CNBD2: variants seen among roughly 807,000 people sequenced by gnomAD.
The protein encoded by CNBD2 is cyclic nucleotide binding domain containing 2.
Under a neutral mutation model 63.7 loss-of-function variants are expected in CNBD2, and 64 were observed. The observed-to-expected ratio is 1.00, with a 90% confidence interval of 0.82 to 1.24. The LOEUF is 1.24. CNBD2 is among the 50% of genes most tolerant of loss of function. The pLI is 0.00. For synonymous variants in CNBD2, 229 were observed against 255.4 expected, an observed-to-expected ratio of 0.90 and a Z score of 0.99; for missense variants, 691 against 713.5, an observed-to-expected ratio of 0.97 and a Z score of 0.36.
intron 8 of CNBD2, among the ~76,000 whole-genome samples, chr20:36,006,035 CTT>C (rs999690758): frequency 7.0e-6 from 1 of 143,116 alleles, no homozygotes; most frequent in African/African-American, 2.6e-5. Flanking sequence ...TTTTTTTTTT[CTT>C]TTTTTTTTTG....
intron 8 of CNBD2, among the ~76,000 whole-genome samples, chr20:36,002,074 G>A (rs2056918888): frequency 6.6e-6 from 1 of 152,360 alleles, no homozygotes; most frequent in East Asian, 1.9e-4. Context: ...GTAGTGAGCT[G>A]AGATCACGCC....
At chr20:36,022,189 T>TTTTTTCTTTTTC (rs1264593657) in intron 10 of CNBD2, among the ~76,000 whole-genome samples, 1 of 121,596 alleles carries the variant, frequency 8.2e-6, no homozygotes, top group South Asian at 2.8e-4. Context: ...TAATTCTTTT[T>TTTTTTCTTTTTC]TTTTTCTTTT....
intron 6 of CNBD2, among the ~76,000 whole-genome samples, chr20:35,986,277 G>A (rs1386347974): frequency 6.6e-6 from 1 of 152,200 alleles, no homozygotes; most frequent in Non-Finnish European, 1.5e-5. Context: ...GGGGCTGAGA[G>A]AGGTAGCTTC....
intron 8 of CNBD2, among the ~76,000 whole-genome samples, chr20:36,004,356 C>A (rs2056955765): frequency 6.6e-6 from 1 of 152,092 alleles, no homozygotes; most frequent in South Asian, 2.1e-4. Context: ...TCTCTGGTTC[C>A]CTGCTCTGTG....
chr20:35,997,832 A>G (rs1025428238), intron 8 of CNBD2, among the ~76,000 whole-genome samples: 12 of 152,098 alleles, frequency 7.9e-5, no homozygotes, highest in Non-Finnish European at 1.6e-4. Flanking sequence ...CTTGTTTGTC[A>G]CTTTTCCACT....
intron 10 of CNBD2, among the ~76,000 whole-genome samples, chr20:36,022,708 G>A (rs973675649): frequency 6.6e-6 from 1 of 151,832 alleles, no homozygotes; most frequent in Non-Finnish European, 1.5e-5. Flanking sequence ...TTGGCTCACT[G>A]CAACCTCTAC....
intron 2 of CNBD2, 28 bp from the exon 3 acceptor site, chr20:35,975,921 C>A: frequency 6.2e-7 from 1 of 1,606,520 alleles, no homozygotes; most frequent in Non-Finnish European, 8.5e-7. Flanking sequence ...GCTGATTCTC[C>A]CTCTTCTCCC....
intron 9 of CNBD2, among the ~76,000 whole-genome samples, chr20:36,009,890 G>C (rs1337030366): frequency 1.3e-5 from 2 of 152,142 alleles, no homozygotes; most frequent in Non-Finnish European, 2.9e-5. Context: ...TTTAATCTCT[G>C]TAACAACTCT....
intron 10 of CNBD2, among the ~76,000 whole-genome samples, chr20:36,017,263 G>A (rs1163740873): frequency 6.6e-6 from 1 of 152,092 alleles, no homozygotes; most frequent in Non-Finnish European, 1.5e-5. Context: ...TGCCTGCAGA[G>A]GGCTGTCTCC....
chr20:36,018,050 G>A (rs1399674413), intron 10 of CNBD2, among the ~76,000 whole-genome samples: 2 of 152,304 alleles, frequency 1.3e-5, no homozygotes, highest in African/African-American at 2.4e-5. Context: ...TATGCCCCAC[G>A]CCCAGTTTCC....
At chr20:36,021,240 A>T (rs1936136867) in intron 10 of CNBD2, among the ~76,000 whole-genome samples, 1 of 152,166 alleles carries the variant, frequency 6.6e-6, no homozygotes, top group South Asian at 2.1e-4. Flanking sequence ...AAGGAATGAG[A>T]TCCTGTCATT....
At chr20:35,975,831 G>A (rs1404854396) in intron 2 of CNBD2, 118 bp from the exon 3 acceptor site, 1 of 879,248 alleles carries the variant, frequency 1.1e-6, no homozygotes, top group Non-Finnish European at 1.8e-6. Context: ...GCTGCTATGA[G>A]GTTTCCCATG....
upstream of CNBD2, among the ~76,000 whole-genome samples, chr20:35,968,142 A>G (rs373953062): frequency 2.9e-4 from 44 of 152,306 alleles, no homozygotes; most frequent in Middle Eastern, 3.4e-3. Flanking sequence ...ATTCCTACCC[A>G]CTTTCAATCA....
At chr20:35,995,208 A>G (rs113672027) in intron 8 of CNBD2, 56 bp downstream of exon 8, 6 of 1,176,906 alleles carry the variant, frequency 5.1e-6, no homozygotes, top group Non-Finnish European at 7.6e-6. Flanking sequence ...TCCTGTTTCC[A>G]GTTCCCAGCA....
At chr20:36,015,044 A>G (rs1404569605) in intron 10 of CNBD2, among the ~76,000 whole-genome samples, 1 of 152,034 alleles carries the variant, frequency 6.6e-6, no homozygotes, top group African/African-American at 2.4e-5. Context: ...TGTCTTTTTG[A>G]TAGTAACCAT....
chr20:35,954,670 G>T, upstream of CNBD2: 10 of 1,229,906 alleles, frequency 8.1e-6, no homozygotes, highest in Non-Finnish European at 1.1e-5. Context: ...GCGCCAGTTC[G>T]AGGAGGAGTC....
intron 8 of CNBD2, among the ~76,000 whole-genome samples, chr20:36,006,100 C>A (rs2056981334): frequency 6.6e-6 from 1 of 150,786 alleles, no homozygotes; most frequent in Admixed American, 6.6e-5. Flanking sequence ...ACGATCTTGG[C>A]TCCCTGCAAC....
At chr20:35,995,754 C>T (rs2794387) in intron 8 of CNBD2, among the ~76,000 whole-genome samples, 4,648 of 152,210 alleles carry the variant, frequency 0.031, 246 homozygotes, top group African/African-American at 0.11. Flanking sequence ...TTTGTGTGAA[C>T]ATATTTTTCA....
intron 8 of CNBD2, among the ~76,000 whole-genome samples, chr20:36,001,363 G>T: frequency 6.8e-6 from 1 of 147,452 alleles, no homozygotes; most frequent in Non-Finnish European, 1.5e-5. Flanking sequence ...GGCAGGGTGG[G>T]GGGCTGACCC....
Sources: gnomAD v4.1 joint callset for allele counts (sites outside exome capture counted in the v4.1 genomes callset) on GRCh38, gnomAD v4.1.1 for gene constraint, MANE v1.5 for transcripts, NCBI Gene and HGNC (gene_info 2026-07-23, HGNC 2026-07-21) for gene names.